Variants in MYO9A observed in about 807,000 individuals in gnomAD.
MYO9A encodes unconventional myosin-IXa.
MYO9A carries 103 observed loss-of-function variants against 293.3 expected under a neutral mutation model. That is an observed-to-expected ratio of 0.35 (90% CI 0.30 to 0.41). MYO9A has a LOEUF of 0.41. Among genes scored for constraint, MYO9A ranks in the 10% least tolerant of loss-of-function variants. The probability of loss-of-function intolerance (pLI) is 1.00; values close to 1 mark genes in which losing one functional copy is unlikely to be tolerated. For missense variants in MYO9A, 2,685 were observed against 3,033.0 expected, an observed-to-expected ratio of 0.89 and a Z score of 2.69; for synonymous variants, 1,001 against 1,035.7, an observed-to-expected ratio of 0.97 and a Z score of 0.64.
At chr15:71,899,097 C>T in intron 24 of MYO9A, 65 bp from the exon 25 acceptor site, 9 of 1,390,266 alleles carry the variant, frequency 6.5e-6, no homozygotes, top group Non-Finnish European at 8.7e-6. Flanking sequence ...TAACATATTT[C>T]CTGAGAATTT....
At chr15:71,964,176 C>T (rs1371167459) in intron 13 of MYO9A, among the ~76,000 whole-genome samples, 4 of 151,898 alleles carry the variant, frequency 2.6e-5, no homozygotes, top group Non-Finnish European at 5.9e-5. Context: ...TTTCCTATTG[C>T]ATTTAATTTA....
At chr15:71,989,395 G>A (rs191097645) in intron 11 of MYO9A, among the ~76,000 whole-genome samples, 64 of 152,172 alleles carry the variant, frequency 4.2e-4, no homozygotes, top group South Asian at 2.1e-4. Flanking sequence ...CCATATCCTC[G>A]AGGGATTGGT....
At chr15:72,112,199 AT>A (rs1203286662) in intron 1 of MYO9A, among the ~76,000 whole-genome samples, 1 of 152,182 alleles carries the variant, frequency 6.6e-6, no homozygotes, top group Admixed American at 6.5e-5. Context: ...CTCCAAAATT[AT>A]TGCTAATTGT....
intron 15 of MYO9A, among the ~76,000 whole-genome samples, chr15:71,945,494 C>T (rs147478907): frequency 2.5e-4 from 38 of 152,216 alleles, no homozygotes; most frequent in Admixed American, 4.6e-4. Context: ...AAGCTTGTGA[C>T]ATCTAGGAGG....
chr15:71,958,930 A>G (rs1466635962), intron 14 of MYO9A: 1 of 152,244 alleles, frequency 6.6e-6, no homozygotes, highest in East Asian at 1.9e-4. Flanking sequence ...AGGCTTTGAC[A>G]GTAAATACAA....
In MYO9A at chr15:72,117,721, C is replaced by T. The variant is rs1377701375; in HGVS notation, c.-113G>A. The T allele has an allele frequency of 1.3e-5, 5 of 397,282 alleles. No individual in the cohort carries two copies. The highest frequency in any genetic ancestry group is 1.0e-4 in the African/African-American group (5 of 48,524). 24.6% of individuals were successfully genotyped at this position (397,282 alleles called of 1,614,324 possible). On this transcript the variant is annotated 5_prime_UTR_variant, in exon 1 of 42. Transcript: ENST00000356056. ...GTGGCCACCGCAGCCCCCTCCTCTTCGACGGAAGCTGCCTTCCACCCTCCG... is the reference window on the plus strand; with the variant it reads ...GTGGCCACCGCAGCCCCCTCCTCTTTGACGGAAGCTGCCTTCCACCCTCCG...
Position 72,046,136 on chromosome 15 carries a change from G to A in MYO9A, c.428C>T (p.Pro143Leu), listed in dbSNP as rs1356108003. ...RMMERGFLPQ[P>L]QQKDFDDLCS... is the part of the protein sequence containing the mutation. ...TAAATCATCAAAGTCTTTCTGTTGA[G>A]GCTGTGGAAGAAAACCCCGTTCCAT... is the stretch of plus-strand genomic sequence containing the variant. The change falls in exon 2 of 42, where the codon CCT becomes CTT. Residue 143 changes from proline to leucine, a missense_variant. Around this residue, in one of 10 missense-constraint regions of MYO9A, gnomAD observed 289 missense variants for 456.8 expected, o/e 0.63. Coordinates refer to ENST00000356056, the MANE Select transcript of MYO9A (RefSeq NM_006901.4). The A allele has an allele frequency of 3.7e-6, 6 of 1,613,968 alleles. No individual in the cohort carries two copies. In the East Asian group the frequency reaches 1.1e-4, roughly 30 times the overall value.
At chr15:72,106,716 T>C (rs1486241842) in intron 1 of MYO9A, among the ~76,000 whole-genome samples, 1 of 152,156 alleles carries the variant, frequency 6.6e-6, no homozygotes, top group Non-Finnish European at 1.5e-5. Flanking sequence ...ACCTCCCACC[T>C]TAGGCTCCCA....
intron 32 of MYO9A, among the ~76,000 whole-genome samples, chr15:71,864,930 T>C (rs1470045415): frequency 1.3e-5 from 2 of 152,158 alleles, no homozygotes; most frequent in African/African-American, 2.4e-5. Context: ...ATTGTACACA[T>C]AAAAAGGGAT....
intron 25 of MYO9A, 24 bp from the exon 26 acceptor site, chr15:71,893,802 C>T: frequency 6.3e-7 from 1 of 1,575,138 alleles, no homozygotes; most frequent in African/African-American, 1.3e-5. Flanking sequence ...AATGAAATTA[C>T]ATTTCAGTTC....
intron 18 of MYO9A, among the ~76,000 whole-genome samples, chr15:71,927,160 C>A (rs1168433396): frequency 1.3e-5 from 2 of 152,200 alleles, no homozygotes; most frequent in Admixed American, 6.5e-5. Flanking sequence ...GGCCCTAAGA[C>A]ATTTCTTTGG....
At chr15:71,914,754 T>G (rs2144681194) in intron 19 of MYO9A, among the ~76,000 whole-genome samples, 1 of 152,302 alleles carries the variant, frequency 6.6e-6, no homozygotes, top group African/African-American at 2.4e-5. Context: ...AAGAGGACTC[T>G]TTTTCTAAAA....
At chr15:71,860,016 G>A (rs190915405) in intron 33 of MYO9A, among the ~76,000 whole-genome samples, 47 of 152,242 alleles carry the variant, frequency 3.1e-4, no homozygotes, top group African/African-American at 1.1e-3. Flanking sequence ...TCTAGCCACA[G>A]TCAATGAAAA....
intron 1 of MYO9A, among the ~76,000 whole-genome samples, chr15:72,108,695 C>T (rs1010972835): frequency 6.0e-5 from 9 of 150,706 alleles, no homozygotes; most frequent in African/African-American, 2.0e-4. Flanking sequence ...ACTGGTGATA[C>T]GAAAAATATG....
chr15:71,994,046 T>C (rs1158112111), intron 10 of MYO9A, among the ~76,000 whole-genome samples: 2 of 152,054 alleles, frequency 1.3e-5, no homozygotes, highest in Non-Finnish European at 2.9e-5. Flanking sequence ...TGTTACAGCA[T>C]TGTTTATAAC....
chr15:71,945,986 A>G (rs2058908357), intron 15 of MYO9A, among the ~76,000 whole-genome samples: 1 of 152,198 alleles, frequency 6.6e-6, no homozygotes, highest in African/African-American at 2.4e-5. Flanking sequence ...TGAGACAATC[A>G]TATGTGGCTT....
chr15:71,892,817 T>C (rs897846936), intron 26 of MYO9A: 2 of 357,060 alleles, frequency 5.6e-6, no homozygotes, highest in Admixed American at 5.1e-5. Context: ...TTCTATTAAA[T>C]TAAGGTTTAG....
chr15:72,035,819 A>C (rs1222895310), intron 2 of MYO9A, among the ~76,000 whole-genome samples: 1 of 152,050 alleles, frequency 6.6e-6, no homozygotes, highest in East Asian at 1.9e-4. Flanking sequence ...AAAATAAAAA[A>C]CTTTACATAC....
chr15:72,020,176 C>G (rs2077462456), intron 5 of MYO9A, among the ~76,000 whole-genome samples: 1 of 152,114 alleles, frequency 6.6e-6, no homozygotes, highest in Admixed American at 6.5e-5. Flanking sequence ...TTTCCGTAGA[C>G]ATTACATCTT....
Sources: gnomAD v4.1 joint callset for allele counts (sites outside exome capture counted in the v4.1 genomes callset) on GRCh38, gnomAD v4.1.1 for gene constraint, gnomAD v4.1.1 regional missense constraint, MANE v1.5 for transcripts, NCBI Gene and HGNC (gene_info 2026-07-23, HGNC 2026-07-21) for gene names.